The following CFH variants were observed in gnomAD, a reference collection of about 807,000 sequenced individuals.
The protein encoded by CFH is H factor 1 (complement).
A neutral mutation model predicts 147.3 loss-of-function variants in CFH; 53 were observed. That is an observed-to-expected ratio of 0.36 (90% CI 0.29 to 0.45). CFH has a LOEUF of 0.45. Among genes scored for constraint, CFH ranks in the 20% least tolerant of loss-of-function variants. CFH has a pLI of 1.00. For synonymous variants in CFH, 536 were observed against 489.4 expected (o/e 1.10, Z -1.26); for missense variants, 1,380 against 1,498.0 (o/e 0.92, Z 1.30).
Position 196,745,938 on chromosome 1 carries a change from T to G in CFH, c.3432T>G (p.Leu1144=), listed in dbSNP as rs747880550. ...VEYQCQNLYQ[L]EGNKRITCRN... is the part of the protein sequence containing the mutation. ...ACCAATGCCAGAACTTGTATCAACT[T>G]GAGGGTAACAAGCGAATAACATGTA... Residue 1144 remains leucine (L), a synonymous_variant, in exon 21 of 22, where the codon CTT becomes CTG. Transcript: ENST00000367429. 4.3e-6 allele frequency: 7 copies of G among 1,613,932 alleles called. No individual in the cohort carries two copies. Among genetic ancestry groups the G allele is most frequent in the Non-Finnish European group, 5.9e-6 (7 of 1,179,866 alleles).
At chr1:196,741,823 G>T (rs1652816472) in intron 18 of CFH, 52 bp from the exon 19 acceptor site, 16 of 1,526,472 alleles carry the variant, frequency 1.0e-5, no homozygotes, top group African/African-American at 1.4e-5. Context: ...TGTATTGTAT[G>T]TAACCTATTT....
intron 15 of CFH, among the ~76,000 whole-genome samples, chr1:196,734,030 T>C (rs918014195): frequency 6.6e-6 from 1 of 152,100 alleles, no homozygotes; most frequent in Non-Finnish European, 1.5e-5. Context: ...GAGACTCTCA[T>C]GTGTTTAATC....
intron 17 of CFH, among the ~76,000 whole-genome samples, chr1:196,738,771 A>G (rs35331736): frequency 0.014 from 2,194 of 152,260 alleles, 54 homozygotes; most frequent in African/African-American, 0.049. Context: ...TGGGGCTTCA[A>G]TGATTGTGGT....
chr1:196,700,611 G>T (rs1051516598), intron 9 of CFH, among the ~76,000 whole-genome samples: 2 of 146,670 alleles, frequency 1.4e-5, no homozygotes, highest in Non-Finnish European at 3.0e-5. Flanking sequence ...CCAAGATCGT[G>T]CCACTGCACT....
intron 1 of CFH, among the ~76,000 whole-genome samples, chr1:196,672,520 C>T (rs1321587082): frequency 6.6e-6 from 1 of 152,132 alleles, no homozygotes; most frequent in Non-Finnish European, 1.5e-5. Context: ...GCATATTATA[C>T]ATCTCTTTGA....
intron 15 of CFH, among the ~76,000 whole-genome samples, chr1:196,733,801 C>T (rs1324052204): frequency 3.3e-5 from 5 of 152,118 alleles, no homozygotes; most frequent in Admixed American, 6.6e-5. Context: ...CCACGGGAAC[C>T]GGCTAGAGAA....
intron 9 of CFH, among the ~76,000 whole-genome samples, chr1:196,708,546 C>T (rs1206069668): frequency 6.6e-6 from 1 of 152,114 alleles, no homozygotes; most frequent in Non-Finnish European, 1.5e-5. Flanking sequence ...TGGGGAATAT[C>T]ACACAAATTC....
At chr1:196,727,691 A>G (rs969655874) in intron 14 of CFH, among the ~76,000 whole-genome samples, 2 of 152,162 alleles carry the variant, frequency 1.3e-5, no homozygotes, top group African/African-American at 4.8e-5. Flanking sequence ...TTTCTCTCTT[A>G]AAGCTTCCAA....
intron 15 of CFH, among the ~76,000 whole-genome samples, chr1:196,731,988 G>T (rs1172591852): frequency 6.6e-6 from 1 of 151,704 alleles, no homozygotes; most frequent in Non-Finnish European, 1.5e-5. Context: ...AAACTTATTT[G>T]ATTTCCTTTG....
chr1:196,702,009 T>C (rs557379516), intron 9 of CFH, among the ~76,000 whole-genome samples: 5 of 152,270 alleles, frequency 3.3e-5, no homozygotes, highest in African/African-American at 1.2e-4. Context: ...AAATACCCTA[T>C]GTATAATGTT....
chr1:196,690,366 T>C (rs1375796344), intron 9 of CFH, 127 bp downstream of exon 9: 1 of 1,409,018 alleles, frequency 7.1e-7, no homozygotes. Context: ...AATGGACCTA[T>C]TTAGTTTTTG....
intron 9 of CFH, among the ~76,000 whole-genome samples, chr1:196,708,784 T>A (rs1168654927): frequency 6.6e-6 from 1 of 152,088 alleles, no homozygotes; most frequent in Non-Finnish European, 1.5e-5. Flanking sequence ...CAGTCCATCC[T>A]AATGACAAAA....
intron 11 of CFH, among the ~76,000 whole-genome samples, chr1:196,723,676 C>T (rs1269171670): frequency 6.6e-6 from 1 of 151,958 alleles, no homozygotes; most frequent in African/African-American, 2.4e-5. Flanking sequence ...GGGGACAAAG[C>T]GGGATAGATC....
chr1:196,656,318 A>G (rs913401128), intron 1 of CFH, among the ~76,000 whole-genome samples: 1 of 151,734 alleles, frequency 6.6e-6, no homozygotes, highest in African/African-American at 2.4e-5. Context: ...AGAAAAAAAA[A>G]AAAAAGAAAG....
chr1:196,731,040 CT>C (rs370108765), intron 15 of CFH, among the ~76,000 whole-genome samples: 132 of 151,666 alleles, frequency 8.7e-4, no homozygotes, highest in Admixed American at 4.1e-3. Context: ...CATTCTATGC[CT>C]TTTGATTATA....
At chr1:196,737,453 T>G in intron 16 of CFH, 22 bp from the exon 17 acceptor site, 2 of 1,566,936 alleles carry the variant, frequency 1.3e-6, no homozygotes, top group South Asian at 1.1e-5. Context: ...TTTTAACCCT[T>G]TGATTTTCAT....
At chr1:196,720,696 C>G (rs1668977911) in intron 11 of CFH, among the ~76,000 whole-genome samples, 1 of 151,520 alleles carries the variant, frequency 6.6e-6, no homozygotes, top group Admixed American at 6.6e-5. Flanking sequence ...ATTCTTTATC[C>G]AATCATCTGT....
intron 9 of CFH, among the ~76,000 whole-genome samples, chr1:196,705,358 C>T (rs1173065051): frequency 2.0e-5 from 3 of 152,268 alleles, no homozygotes; most frequent in Non-Finnish European, 2.9e-5. Context: ...AGACTCAGGA[C>T]ATGGCAGCAG....
chr1:196,747,086 T>C, intron 21 of CFH, 25 bp from the exon 22 acceptor site: 1 of 1,613,498 alleles, frequency 6.2e-7, no homozygotes, highest in Non-Finnish European at 8.5e-7. Flanking sequence ...CTTAATGTTT[T>C]ATGTTTACTG....
Sources: allele counts gnomAD v4.1 joint callset (sites outside exome capture counted in the v4.1 genomes callset), GRCh38; gene constraint gnomAD v4.1.1; transcripts MANE v1.5; gene names NCBI Gene and HGNC (gene_info 2026-07-23, HGNC 2026-07-21).